The following DNAH9 variants were observed in gnomAD, a reference collection of about 807,000 sequenced individuals.
DNAH9 encodes DNAH9 variant protein.
A neutral mutation model predicts 471.6 loss-of-function variants in DNAH9; 345 were observed. That is an observed-to-expected ratio of 0.73 (90% CI 0.67 to 0.80). The LOEUF (loss-of-function observed/expected upper bound fraction) is 0.80. DNAH9 is among the 30% of genes least tolerant of loss of function. The pLI is 0.00. For synonymous variants in DNAH9, 2,093 were observed against 2,123.6 expected, an observed-to-expected ratio of 0.99 and a Z score of 0.40; for missense variants, 5,407 against 5,609.2, an observed-to-expected ratio of 0.96 and a Z score of 1.15.
intron 58 of DNAH9, 22 bp downstream of exon 58, chr17:11,891,969 T>C: frequency 1.2e-6 from 2 of 1,608,758 alleles, no homozygotes; most frequent in Non-Finnish European, 1.7e-6. Context: ...TTGAAGAAGT[T>C]TCCAGAAAAC....
chr17:11,894,458 G>T lies in DNAH9; in HGVS notation c.11368G>T (p.Val3790Leu), dbSNP rs139641473. The change falls in exon 59 of 69, where the codon GTG becomes TTG. Residue 3790 changes from valine to leucine, a missense_variant. Physicochemically the swap from Val to Leu is conservative, Grantham distance 32 (BLOSUM62 1). Transcript: ENST00000262442. ...AGTGCAGACGGGCACCGCCAGCCCCGTGGAGTTCCTCTCCCATCAGGCGTG... is the reference window on the plus strand; with the variant it reads ...AGTGCAGACGGGCACCGCCAGCCCCTTGGAGTTCCTCTCCCATCAGGCGTG... ...SPVQTGTASP[V>L]EFLSHQAWGA... The T allele has an allele frequency of 6.2e-7, 1 of 1,614,100 alleles. No homozygotes were observed. Among genetic ancestry groups the T allele is most frequent in the African/African-American group, 1.3e-5 (1 of 75,030 alleles).
chr17:11,651,148 TCTC>T lies in DNAH9; in HGVS notation c.2182_2184del (p.Ser728del), dbSNP rs775183237. On this transcript the variant is annotated inframe_deletion, in exon 13 of 69. Transcript: ENST00000262442. ...ATGCCTGAGACAGCAGCAGCCATGT[TCTC>T]CTCCAGGGATTTCTATCGGCAGCTT... 2 of 1,614,114 alleles carry T rather than the reference TCTC, an allele frequency of 1.2e-6. No homozygotes were observed. The highest frequency in any genetic ancestry group is 1.1e-5 in the South Asian group (1 of 91,080).
chr17:11,644,200 T>C (rs969051615), intron 10 of DNAH9, among the ~76,000 whole-genome samples: 5 of 152,234 alleles, frequency 3.3e-5, no homozygotes, highest in African/African-American at 4.8e-5. Flanking sequence ...CGCAGTCACA[T>C]ACGTGTATAT....
chr17:11,614,033 A>G (rs1014811994), intron 4 of DNAH9, among the ~76,000 whole-genome samples: 3 of 152,222 alleles, frequency 2.0e-5, no homozygotes, highest in African/African-American at 7.2e-5. Context: ...AGATACCATT[A>G]CAATAGTGCC....
chr17:11,720,841 G>A (rs970903063), intron 27 of DNAH9, among the ~76,000 whole-genome samples: 9 of 152,084 alleles, frequency 5.9e-5, no homozygotes, highest in Admixed American at 5.2e-4. Context: ...CTAAATTTTA[G>A]CACAGTTGCT....
At chr17:11,956,322 C>T (rs1045090247) in intron 67 of DNAH9, among the ~76,000 whole-genome samples, 2 of 151,974 alleles carry the variant, frequency 1.3e-5, no homozygotes, top group Non-Finnish European at 2.9e-5. Flanking sequence ...CACCTCATAA[C>T]AAAGCGTCAA....
At chr17:11,839,646 T>C (rs777247067) in intron 49 of DNAH9, among the ~76,000 whole-genome samples, 5 of 152,220 alleles carry the variant, frequency 3.3e-5, no homozygotes, top group African/African-American at 4.8e-5. Flanking sequence ...AGTGTGTCTA[T>C]TTCAGCAGTT....
intron 19 of DNAH9, among the ~76,000 whole-genome samples, chr17:11,685,000 G>A (rs914369629): frequency 3.3e-5 from 5 of 152,182 alleles, no homozygotes; most frequent in Admixed American, 2.0e-4. Flanking sequence ...GGCTTTCATG[G>A]AGTAGATGAG....
chr17:11,732,774 G>A (rs546091492), intron 28 of DNAH9, among the ~76,000 whole-genome samples: 3 of 152,248 alleles, frequency 2.0e-5, no homozygotes, highest in African/African-American at 7.2e-5. Context: ...CATGTGCCAC[G>A]AGGACACAAC....
intron 41 of DNAH9, among the ~76,000 whole-genome samples, chr17:11,784,791 G>A (rs1250096542): frequency 6.6e-6 from 1 of 152,062 alleles, no homozygotes; most frequent in Non-Finnish European, 1.5e-5. Context: ...TGGTTCCCTG[G>A]GGGCTGCAGA....
At chr17:11,773,920 A>G (rs1048845343) in intron 38 of DNAH9, among the ~76,000 whole-genome samples, 1 of 152,138 alleles carries the variant, frequency 6.6e-6, no homozygotes, top group African/African-American at 2.4e-5. Flanking sequence ...ACCTGAGGTC[A>G]GGAGTTCGAG....
In DNAH9 at chr17:11,932,612, G is replaced by A. The variant is rs1463591797; in HGVS notation, c.12297+407G>A. On this transcript the variant is annotated intron_variant, in intron 64 of 68. Coordinates refer to ENST00000262442, the MANE Select transcript of DNAH9 (RefSeq NM_001372.4). This position sits in a 1 kb window ranked among gnomAD's most constrained non-coding sequence, Gnocchi z 4.3. ...TGATGCAGTGCTATCCTACAGAAGG[G>A]GCATGAGCACACAGAAGGGCTGCAC... 6.6e-6 allele frequency among the ~76,000 whole-genome samples: 1 copy of A among 152,146 alleles called. No individual in the cohort carries two copies. Among genetic ancestry groups the A allele is most frequent in the African/African-American group, 2.4e-5 (1 of 41,434 alleles).
At chr17:11,729,298 C>G (rs2075216834) in intron 28 of DNAH9, among the ~76,000 whole-genome samples, 2 of 152,092 alleles carry the variant, frequency 1.3e-5, no homozygotes, top group South Asian at 4.1e-4. Context: ...GCTGAGCACC[C>G]CCCTTCTCCT....
chr17:11,879,739 G>C (rs889176783), intron 53 of DNAH9, among the ~76,000 whole-genome samples: 1 of 152,004 alleles, frequency 6.6e-6, no homozygotes, highest in Admixed American at 6.6e-5. Flanking sequence ...AAAAAAACAG[G>C]TTATAAAACA....
At chr17:11,945,754 A>G (rs1052798924) in intron 67 of DNAH9, among the ~76,000 whole-genome samples, 7 of 145,860 alleles carry the variant, frequency 4.8e-5, no homozygotes, top group African/African-American at 1.7e-4. Context: ...TGCAATATAC[A>G]CATGTGAGAA....
intron 10 of DNAH9, among the ~76,000 whole-genome samples, chr17:11,643,931 C>T (rs8074237): frequency 0.34 from 51,014 of 151,924 alleles, 8,811 homozygotes; most frequent in Middle Eastern, 0.41. Flanking sequence ...AAAAATAAGG[C>T]ATAAAAGATT....
At position 11,704,397 on chromosome 17, in the gene DNAH9, C is replaced by T. The variant is rs764023117; in HGVS notation, c.5346C>T (p.Ile1782=). Residue 1782 remains isoleucine, a synonymous_variant, in exon 25 of 69, where the codon ATC becomes ATT. Coordinates refer to ENST00000262442, the MANE Select transcript of DNAH9 (RefSeq NM_001372.4). ...AGAAGATTATGACTATATGCACCATCGATGTGCATGCCCGGGATGTGGTAG... is the reference window on the plus strand; with the variant it reads ...AGAAGATTATGACTATATGCACCATTGATGTGCATGCCCGGGATGTGGTAG... ...DRQKIMTICT[I]DVHARDVVAK... is the part of the protein sequence containing the mutation. The T allele has an allele frequency of 8.1e-5, 131 of 1,613,628 alleles. No individual in the cohort carries two copies. Among genetic ancestry groups the T allele is most frequent in the Non-Finnish European group, 9.7e-5 (115 of 1,179,848 alleles).
At chr17:11,619,411 T>G (rs2072808403) in intron 5 of DNAH9, 137 bp from the exon 6 acceptor site, 2 of 655,452 alleles carry the variant, frequency 3.1e-6, no homozygotes, top group Non-Finnish European at 5.5e-6. Context: ...ACATGTGGAA[T>G]GGAAAGCGAG....
intron 62 of DNAH9, among the ~76,000 whole-genome samples, chr17:11,924,784 C>T (rs1332206346): frequency 1.3e-5 from 2 of 151,850 alleles, no homozygotes; most frequent in Non-Finnish European, 2.9e-5. Flanking sequence ...CCACCACGCC[C>T]GGCTAATTTT....
Sources: allele counts gnomAD v4.1 joint callset (sites outside exome capture counted in the v4.1 genomes callset), GRCh38; gene constraint gnomAD v4.1.1; non-coding constraint Gnocchi (gnomAD v3.1); transcripts MANE v1.5; gene names NCBI Gene and HGNC (gene_info 2026-07-23, HGNC 2026-07-21).